MCF2L2: variants seen among roughly 807,000 people sequenced by gnomAD.
MCF2L2 encodes the protein MCF.2 cell line derived transforming sequence-like 2, also known as probable guanine nucleotide exchange factor MCF2L2.
Under a neutral mutation model 150.2 loss-of-function variants are expected in MCF2L2, and 102 were observed. The ratio of observed to expected loss-of-function variants is 0.68; its 90% CI spans 0.58 to 0.80. The LOEUF (loss-of-function observed/expected upper bound fraction) is 0.80. Among genes scored for constraint, MCF2L2 ranks in the 30% least tolerant of loss-of-function variants. The probability of loss-of-function intolerance (pLI) is 0.00; values close to 1 mark genes in which losing one functional copy is unlikely to be tolerated. For missense variants in MCF2L2, 1,256 were observed against 1,372.8 expected (o/e 0.91, Z 1.34); for synonymous variants, 465 against 491.3 (o/e 0.95, Z 0.71).
intron 15 of MCF2L2, among the ~76,000 whole-genome samples, chr3:183,275,218 G>A (rs890781284): frequency 1.4e-4 from 22 of 151,990 alleles, no homozygotes; most frequent in African/African-American, 4.8e-4. Flanking sequence ...TGTAAGTTCT[G>A]AAGGCAACCA....
At chr3:183,322,520 C>T (rs1204553828) in intron 6 of MCF2L2, among the ~76,000 whole-genome samples, 1 of 152,126 alleles carries the variant, frequency 6.6e-6, no homozygotes, top group African/African-American at 2.4e-5. Context: ...AAAATTATCC[C>T]CTATAGAGAA....
At chr3:183,278,300 T>A (rs931775458) in intron 14 of MCF2L2, among the ~76,000 whole-genome samples, 1 of 151,714 alleles carries the variant, frequency 6.6e-6, no homozygotes, top group Non-Finnish European at 1.5e-5. Context: ...TGTGTGTGTG[T>A]GTGTGTGTTA....
chr3:183,408,845 C>T (rs914817079), intron 1 of MCF2L2, among the ~76,000 whole-genome samples: 1 of 152,238 alleles, frequency 6.6e-6, no homozygotes, highest in African/African-American at 2.4e-5. Flanking sequence ...AGTTTGTCCA[C>T]ATGCATACAG....
intron 15 of MCF2L2, among the ~76,000 whole-genome samples, chr3:183,263,323 C>G (rs1725791653): frequency 6.6e-6 from 1 of 152,042 alleles, no homozygotes; most frequent in Non-Finnish European, 1.5e-5. Context: ...AATTGCCCTC[C>G]CCAACCTCAA....
At chr3:183,268,010 G>A (rs1726328641) in intron 15 of MCF2L2, among the ~76,000 whole-genome samples, 1 of 152,184 alleles carries the variant, frequency 6.6e-6, no homozygotes, top group South Asian at 2.1e-4. Flanking sequence ...TGGGGTATAA[G>A]AAGGTGCTGG....
intron 3 of MCF2L2, among the ~76,000 whole-genome samples, chr3:183,357,692 C>A (rs1050206820): frequency 6.6e-6 from 1 of 152,122 alleles, no homozygotes; most frequent in African/African-American, 2.4e-5. Context: ...TATGCAAGCA[C>A]GCCCATGAAG....
chr3:183,427,585 A>T (rs1055161735), intron 1 of MCF2L2, among the ~76,000 whole-genome samples: 14 of 148,680 alleles, frequency 9.4e-5, no homozygotes, highest in Admixed American at 2.6e-4. Flanking sequence ...ATAACTTCCC[A>T]CCCACCCTAC....
At chr3:183,423,960 G>A (rs1432122831) in intron 1 of MCF2L2, among the ~76,000 whole-genome samples, 1 of 152,074 alleles carries the variant, frequency 6.6e-6, no homozygotes, top group Non-Finnish European at 1.5e-5. Flanking sequence ...TCTAGTTATT[G>A]GAAGCCCCCA....
At chr3:183,381,425 A>G (rs1713517961) in intron 2 of MCF2L2, among the ~76,000 whole-genome samples, 1 of 152,226 alleles carries the variant, frequency 6.6e-6, no homozygotes, top group Non-Finnish European at 1.5e-5. Context: ...CTGTAAGATC[A>G]TCCAGCCAAC....
At chr3:183,375,981 G>A (rs1713167998) in intron 3 of MCF2L2, 1 of 152,196 alleles carries the variant, frequency 6.6e-6, no homozygotes, top group East Asian at 1.9e-4. Flanking sequence ...TCCACTTTTT[G>A]TGGAAAGGAA....
At chr3:183,351,959 T>C (rs1412589167) in intron 3 of MCF2L2, among the ~76,000 whole-genome samples, 4 of 152,204 alleles carry the variant, frequency 2.6e-5, no homozygotes, top group Non-Finnish European at 4.4e-5. Flanking sequence ...TTCAAGTCGC[T>C]AGGGACCATG....
intron 15 of MCF2L2, among the ~76,000 whole-genome samples, chr3:183,275,461 CTTGA>C: frequency 6.6e-6 from 1 of 152,208 alleles, no homozygotes; most frequent in East Asian, 1.9e-4. Flanking sequence ...GATTCTACCT[CTTGA>C]TTAACTCAGT....
At chr3:183,221,894 A>T (rs1390772785) in intron 20 of MCF2L2, among the ~76,000 whole-genome samples, 5 of 152,192 alleles carry the variant, frequency 3.3e-5, no homozygotes, top group African/African-American at 4.8e-5. Flanking sequence ...CTTATGGAGG[A>T]GGTTCTAGTA....
Position 183,179,235 on chromosome 3 carries a change from G to T in MCF2L2, c.*145C>A. The T allele has an allele frequency of 8.6e-7, 1 of 1,160,762 alleles. No individual in the cohort carries two copies. The highest frequency in any genetic ancestry group is 1.1e-6 in the Non-Finnish European group (1 of 892,812). 71.9% of individuals were successfully genotyped at this position (1,160,762 alleles called of 1,614,324 possible). ...ACCCAGGACACCCCTCGGGCTCCTC[G>T]GAGGAGGCCCTGGTTGTCCCCTTTC... is the stretch of plus-strand genomic sequence containing the variant. On this transcript the variant is annotated 3_prime_UTR_variant, in exon 30 of 30. Coordinates refer to ENST00000328913, the MANE Select transcript of MCF2L2 (RefSeq NM_015078.4). This position sits in a 1 kb window ranked among gnomAD's most constrained non-coding sequence, Gnocchi z 4.2.
At chr3:183,189,816 G>A (rs1459151908) in intron 27 of MCF2L2, among the ~76,000 whole-genome samples, 1 of 152,174 alleles carries the variant, frequency 6.6e-6, no homozygotes, top group African/African-American at 2.4e-5. Flanking sequence ...CAGCCCAGGA[G>A]GTCAAGGGCA....
chr3:183,404,424 T>C (rs771598866), intron 1 of MCF2L2, among the ~76,000 whole-genome samples: 21 of 152,312 alleles, frequency 1.4e-4, no homozygotes, highest in Non-Finnish European at 2.4e-4. Flanking sequence ...AAATCACAAG[T>C]GCTGATAAAC....
At chr3:183,316,808 C>T (rs1382601683) in intron 7 of MCF2L2, among the ~76,000 whole-genome samples, 3 of 152,106 alleles carry the variant, frequency 2.0e-5, no homozygotes, top group Non-Finnish European at 4.4e-5. Context: ...CAGCTTCAAG[C>T]AATTCTTTCA....
At chr3:183,375,624 T>C (rs1387147802) in intron 3 of MCF2L2, 1 of 152,212 alleles carries the variant, frequency 6.6e-6, no homozygotes, top group Admixed American at 6.5e-5. Context: ...AATGAATTAC[T>C]GTGGGAAGCC....
intron 13 of MCF2L2, among the ~76,000 whole-genome samples, chr3:183,290,988 C>T (rs1179217396): frequency 6.6e-6 from 1 of 152,224 alleles, no homozygotes; most frequent in Non-Finnish European, 1.5e-5. Context: ...CAACTGGAAG[C>T]AGCTTGGGCT....
Sources: allele counts gnomAD v4.1 joint callset (sites outside exome capture counted in the v4.1 genomes callset), GRCh38; gene constraint gnomAD v4.1.1; non-coding constraint Gnocchi (gnomAD v3.1); transcripts MANE v1.5; gene names NCBI Gene and HGNC (gene_info 2026-07-23, HGNC 2026-07-21).